Variants in ANKRD30A observed in about 807,000 individuals in gnomAD.
The protein encoded by ANKRD30A is ankyrin repeat domain 30A.
ANKRD30A carries 170 observed loss-of-function variants against 166.3 expected under a neutral mutation model. That is an observed-to-expected ratio of 1.02 (90% CI 0.90 to 1.16). The LOEUF (loss-of-function observed/expected upper bound fraction) is 1.16. ANKRD30A is among the 50% of genes most tolerant of loss of function. The probability of loss-of-function intolerance (pLI) is 0.00; values close to 1 mark genes in which losing one functional copy is unlikely to be tolerated. For missense variants in ANKRD30A, 1,630 were observed against 1,518.0 expected, an observed-to-expected ratio of 1.07 and a Z score of -1.23; for synonymous variants, 564 against 508.9, an observed-to-expected ratio of 1.11 and a Z score of -1.46.
chr10:37,256,283 G>A, the ANKRD30A span, among the ~76,000 whole-genome samples: 11 of 152,218 alleles, frequency 7.2e-5, no homozygotes, highest in East Asian at 1.9e-3. Context: ...TTTAGACAAG[G>A]TCTCACTCTG....
intron 34 of ANKRD30A, among the ~76,000 whole-genome samples, chr10:37,227,350 G>GTCCCA (rs1289093388): frequency 6.6e-6 from 1 of 151,678 alleles, no homozygotes; most frequent in African/African-American, 2.4e-5. Context: ...TTTTGCATAT[G>GTCCCA]GATATCCATT....
At chr10:37,239,259 T>C in the ANKRD30A span, among the ~76,000 whole-genome samples, 2 of 152,184 alleles carry the variant, frequency 1.3e-5, no homozygotes, top group Admixed American at 6.5e-5. Context: ...CTTTCCTTCT[T>C]TCTAATTCTA....
At chr10:37,253,945 C>A in the ANKRD30A span, among the ~76,000 whole-genome samples, 7 of 152,156 alleles carry the variant, frequency 4.6e-5, no homozygotes, top group African/African-American at 1.7e-4. Flanking sequence ...CCACTGCGCC[C>A]AGTCTATTAT....
intron 7 of ANKRD30A, among the ~76,000 whole-genome samples, chr10:37,142,572 T>G (rs112018365): frequency 1.3e-5 from 1 of 76,686 alleles, no homozygotes; most frequent in Admixed American, 1.1e-4. Flanking sequence ...GGATCACACT[T>G]TTTTTTTTTT....
chr10:37,167,018 C>G (rs187964247), intron 19 of ANKRD30A, among the ~76,000 whole-genome samples: 3 of 151,914 alleles, frequency 2.0e-5, no homozygotes, highest in South Asian at 2.1e-4. Context: ...CATGAAGGAA[C>G]AAGAAGCAGG....
chr10:37,262,640 T>C, the ANKRD30A span: 3 of 153,680 alleles, frequency 2.0e-5, no homozygotes, highest in East Asian at 1.9e-4. Flanking sequence ...TCTGGCTATC[T>C]TATTTCAAAT....
At chr10:37,248,062 C>T in the ANKRD30A span, 2 of 434,834 alleles carry the variant, frequency 4.6e-6, no homozygotes, top group Non-Finnish European at 9.0e-6. Context: ...GAAGGGAACA[C>T]TGAAGCCATG....
Position 37,125,743 on chromosome 10 carries a change from G to T in ANKRD30A, c.-45G>T, listed in dbSNP as rs1012527338. 1.7e-5 allele frequency: 10 copies of T among 575,316 alleles called. 1 individual carries two copies. The highest frequency in any genetic ancestry group is 1.2e-4 in the Admixed American group (4 of 33,054). The allele number at this position is 575,316 out of a possible 1,614,324, so 35.6% of individuals were successfully genotyped here. A position where few individuals can be genotyped will look rare whatever the true frequency, so the allele number is the denominator to read the frequency against. On this transcript the variant is annotated 5_prime_UTR_variant, in exon 1 of 36. In the 5' UTR this introduces an upstream ATG that the reference lacks. Transcript: ENST00000361713. ...AGGGGTGGGGGGTGGTGGCTGGGAA[G>T]GGCGATCGGGAGGCGCGGGCACTCT...
the ANKRD30A span, among the ~76,000 whole-genome samples, chr10:37,263,223 G>A: frequency 3.7e-3 from 553 of 151,488 alleles, 1 homozygote; most frequent in Non-Finnish European, 4.9e-3. Context: ...AGTATGAGGT[G>A]GTAAGTCAAT....
chr10:37,192,835 GA>G (rs1840712369), intron 25 of ANKRD30A, among the ~76,000 whole-genome samples: 1 of 150,998 alleles, frequency 6.6e-6, no homozygotes, highest in South Asian at 2.2e-4. Context: ...TTTCAATGTT[GA>G]AATCCTCACA....
At chr10:37,162,906 G>C in intron 17 of ANKRD30A, 58 bp downstream of exon 17, 1 of 1,578,676 alleles carries the variant, frequency 6.3e-7, no homozygotes, top group Non-Finnish European at 8.7e-7. Flanking sequence ...ACATTTTGAT[G>C]GTCTTTCTGT....
intron 29 of ANKRD30A, among the ~76,000 whole-genome samples, chr10:37,198,479 G>C (rs1330774811): frequency 6.6e-6 from 1 of 151,988 alleles, no homozygotes; most frequent in East Asian, 1.9e-4. Context: ...TAAAAGGTTA[G>C]TTTTATCTGC....
intron 25 of ANKRD30A, among the ~76,000 whole-genome samples, chr10:37,191,638 T>C (rs1840586241): frequency 1.3e-5 from 2 of 152,012 alleles, no homozygotes; most frequent in African/African-American, 4.8e-5. Flanking sequence ...GGTTGTACAA[T>C]GTTGTTGTCA....
At chr10:37,150,274 G>A (rs1250430239) in intron 11 of ANKRD30A, among the ~76,000 whole-genome samples, 1 of 151,784 alleles carries the variant, frequency 6.6e-6, no homozygotes, top group Non-Finnish European at 1.5e-5. Context: ...TGTCACTTTG[G>A]GAATCCTAAG....
intron 8 of ANKRD30A, among the ~76,000 whole-genome samples, chr10:37,145,779 G>A (rs547913764): frequency 2.0e-5 from 3 of 151,112 alleles, no homozygotes; most frequent in African/African-American, 4.9e-5. Context: ...CTGCAGTTTT[G>A]TACAACTTGA....
chr10:37,253,584 A>G, the ANKRD30A span, among the ~76,000 whole-genome samples: 5 of 151,730 alleles, frequency 3.3e-5, no homozygotes, highest in Non-Finnish European at 5.9e-5. Context: ...TTTCATAGAG[A>G]TGGAATCATA....
In ANKRD30A at chr10:37,149,657, C is replaced by A; in HGVS notation, c.1550C>A (p.Pro517His). 6.2e-7 allele frequency: 1 copy of A among 1,612,316 alleles called. No individual in the cohort carries two copies. The highest frequency in any genetic ancestry group is 1.7e-5 in the Admixed American group (1 of 59,964). Residue 517 changes from proline (P) to histidine (H), a missense_variant, in exon 10 of 36, where the codon CCT becomes CAT. Pro to His is a moderately conservative substitution (Grantham distance 77). This residue lies in a region of ANKRD30A where 904 missense variants were observed against 818.5 expected (regional missense o/e 1.10). Transcript: ENST00000361713. ...AATCTCTTTTGCTTTTTAGAGCCTC[C>A]TAAGAAGCCATCTGCCTTCAAGGTA... Reference protein sequence around the residue: ...MEINREVEEPPKKPSAFKPAI... With the variant: ...MEINREVEEPHKKPSAFKPAI...
At chr10:37,252,674 A>C in the ANKRD30A span, among the ~76,000 whole-genome samples, 1 of 151,622 alleles carries the variant, frequency 6.6e-6, no homozygotes, top group Non-Finnish European at 1.5e-5. Flanking sequence ...TCGTTTATAA[A>C]ATTTACAGTT....
At chr10:37,190,137 T>G (rs1011301948) in intron 25 of ANKRD30A, among the ~76,000 whole-genome samples, 6 of 151,902 alleles carry the variant, frequency 3.9e-5, no homozygotes, top group African/African-American at 1.5e-4. Context: ...TGGCCACACA[T>G]GTATATAAAT....
Sources: allele counts gnomAD v4.1 joint callset (sites outside exome capture counted in the v4.1 genomes callset), GRCh38; gene constraint gnomAD v4.1.1; regional missense constraint gnomAD v4.1.1; transcripts MANE v1.5; gene names NCBI Gene and HGNC (gene_info 2026-07-23, HGNC 2026-07-21).